GAB3: variants seen among roughly 807,000 people sequenced by gnomAD.
The protein encoded by GAB3 is GRB2 associated binding protein 3, also known as GRB2-associated-binding protein 3.
In GAB3, 12 loss-of-function variants were observed where a neutral mutation model predicts 40.4. The observed-to-expected ratio is 0.30, with a 90% CI of 0.19 to 0.48. GAB3 has a LOEUF of 0.48. Among genes scored for constraint, GAB3 ranks in the 20% least tolerant of loss-of-function variants. The pLI is 0.99. For missense variants in GAB3, 381 were observed against 461.9 expected (o/e 0.82, Z 1.61); for synonymous variants, 154 against 176.7 (o/e 0.87, Z 1.02).
chrX:154,731,415 A>G (rs1436701132), intron 1 of GAB3, among the ~76,000 whole-genome samples: 1 of 111,878 alleles, frequency 8.9e-6, no homozygotes, highest in Non-Finnish European at 1.9e-5. Flanking sequence ...TGTGAGACCA[A>G]TGTGGTTGAG....
chrX:154,710,277 C>CA (rs1557255357), intron 4 of GAB3, among the ~76,000 whole-genome samples: 1 of 111,876 alleles, frequency 8.9e-6, no homozygotes, highest in African/African-American at 3.3e-5. Context: ...TGCAATCCTC[C>CA]TCAAATCCCC....
In GAB3 at chrX:154,699,406, G is replaced by A; in HGVS notation, c.1233C>T (p.Ser411=). ...AGTTCATTGGAATGTAGTCATCAGG[G>A]CTGCAGTGGGGTCCAAGACCAGAGG... The part of the protein sequence containing the change: ...AGASGLGPHC[S]PDDYIPMNSG... Residue 411 remains serine, a synonymous_variant, in exon 6 of 10, where the codon AGC becomes AGT. Coordinates refer to ENST00000424127, the MANE Select transcript of GAB3 (RefSeq NM_001081573.3). 8.3e-7 allele frequency: 1 copy of A among 1,210,492 alleles called. No homozygotes were observed. Among genetic ancestry groups the A allele is most frequent in the Non-Finnish European group, 1.1e-6 (1 of 894,383 alleles).
chrX:154,699,987 C>T lies in GAB3; in HGVS notation c.1125+17G>A. ...TGGTAAAATTGATGCTTAAAAGAAC[C>T]TGAATGTTGAACTTACCAAATTCAA... On this transcript the variant is annotated intron_variant, in intron 5 of 9. Coordinates refer to ENST00000424127, the MANE Select transcript of GAB3 (RefSeq NM_001081573.3). The T allele has an allele frequency of 8.4e-7, 1 of 1,190,890 alleles. No homozygotes were observed. Among genetic ancestry groups the T allele is most frequent in the Non-Finnish European group, 1.1e-6 (1 of 878,788 alleles).
chrX:154,694,030 A>G (rs1192238675), intron 8 of GAB3, among the ~76,000 whole-genome samples: 2 of 111,129 alleles, frequency 1.8e-5, no homozygotes, highest in Non-Finnish European at 3.8e-5. Flanking sequence ...ACTTGCCCTT[A>G]AAGAGAAAAA....
intron 2 of GAB3, 36 bp downstream of exon 2, chrX:154,715,990 C>A (rs2071039493): frequency 8.6e-7 from 1 of 1,161,550 alleles, no homozygotes; most frequent in Admixed American, 2.3e-5. Context: ...TCCTGGGATA[C>A]CCCTTAGCAC....
intron 4 of GAB3, among the ~76,000 whole-genome samples, chrX:154,707,880 C>CA (rs1222316166): frequency 1.8e-5 from 2 of 111,325 alleles, no homozygotes; most frequent in Admixed American, 1.9e-4. Context: ...CATACAACAG[C>CA]AAAAAACAGT....
rs2071221214 is a variant in GAB3, at chrX:154,726,957, A to G, written c.73-10628T>C. ...TGTCTTTCACCTGAGTAATTGAAAT[A>G]GCCTCTTGTCTTCCCACATCCACTC... On this transcript the variant is annotated intron_variant, in intron 1 of 9. Coordinates refer to ENST00000424127, the MANE Select transcript of GAB3 (RefSeq NM_001081573.3). 2.7e-5 allele frequency among the ~76,000 whole-genome samples: 3 copies of G among 112,006 alleles called. No homozygotes were observed. The South Asian group carries it at 1.1e-3, about 41-fold the overall frequency.
intron 1 of GAB3, among the ~76,000 whole-genome samples, chrX:154,743,536 C>T (rs182288290): frequency 1.8e-5 from 2 of 111,660 alleles, no homozygotes; most frequent in East Asian, 2.8e-4. Context: ...GTGTATCATA[C>T]GTTTATAGCA....
chrX:154,713,742 CATATATATATATATAT>C (rs59885867), intron 2 of GAB3, among the ~76,000 whole-genome samples: 273 of 19,659 alleles, frequency 0.014, 9 homozygotes, highest in East Asian at 0.025. Flanking sequence ...AACTAACAAA[CATATATATATATATAT>C]ATATATATAT....
chrX:154,709,056 A>G (rs2070865468), intron 4 of GAB3, among the ~76,000 whole-genome samples: 1 of 110,767 alleles, frequency 9.0e-6, no homozygotes, highest in African/African-American at 3.3e-5. Flanking sequence ...GTGGTTTCTA[A>G]TGGTTCAGCA....
intron 4 of GAB3, among the ~76,000 whole-genome samples, chrX:154,711,111 G>T (rs782768971): frequency 8.9e-6 from 1 of 112,127 alleles, no homozygotes; most frequent in South Asian, 3.7e-4. Context: ...TTAATTCTCA[G>T]TCAGAATGAG....
intron 1 of GAB3, among the ~76,000 whole-genome samples, chrX:154,727,670 T>C (rs1313273967): frequency 8.9e-6 from 1 of 112,436 alleles, no homozygotes; most frequent in African/African-American, 3.2e-5. Context: ...CACATATTTA[T>C]GTGCTAGGAG....
intron 5 of GAB3, 146 bp from the exon 6 acceptor site, chrX:154,699,659 A>C: frequency 2.0e-6 from 1 of 500,710 alleles, no homozygotes; most frequent in Non-Finnish European, 3.3e-6. Flanking sequence ...ACAAGCCTCT[A>C]GCTCAAGTTC....
In GAB3 at chrX:154,713,200, A is replaced by G; in HGVS notation, c.596+7T>C. 1 of 1,199,900 alleles carries G rather than the reference A, an allele frequency of 8.3e-7. No individual in the cohort carries two copies. Among genetic ancestry groups the G allele is most frequent in the Non-Finnish European group, 1.1e-6 (1 of 884,971 alleles). ...CAGCTCAGACAGAGTCCTGGGCATA[A>G]GCATACCTGGTATGGTGCAGTCTTC... On this transcript the variant is annotated splice_region_variant and intron_variant, in intron 3 of 9. Transcript: ENST00000424127.
intron 1 of GAB3, 40 bp downstream of exon 1, chrX:154,750,914 G>T: frequency 1.3e-6 from 1 of 764,939 alleles, no homozygotes. Flanking sequence ...CGGGTGCCCC[G>T]GGACGCGAAG....
chrX:154,709,182 CCTTCCTCTTTGTCTT>C (rs2070872406), intron 4 of GAB3, among the ~76,000 whole-genome samples: 11 of 111,389 alleles, frequency 9.9e-5, no homozygotes, highest in African/African-American at 3.6e-4. Context: ...AGACATGCTT[CCTTCCTCTTTGTCTT>C]CTTCCATGAT....
rs374145424 is a variant in GAB3 at position 154,700,105 on chromosome X, A to G, written c.1070-46T>C. 4 of 1,052,616 alleles carry G rather than the reference A, an allele frequency of 3.8e-6. No homozygotes were observed. The African/African-American group carries it at 7.4e-5, about 20-fold the overall frequency. The allele number at this position is 1,052,616 out of a possible 1,213,427, so 86.7% of individuals were successfully genotyped here. ...TGGTGAGAAATGCAGAACAATATCA[A>G]CTGAAACTAGAGTCCAGAGAGGCAG... On this transcript the variant is annotated intron_variant, in intron 4 of 9. Transcript: ENST00000424127.
chrX:154,696,044 T>G, intron 7 of GAB3, 25 bp from the exon 8 acceptor site: 18 of 843,316 alleles, frequency 2.1e-5, no homozygotes, highest in Non-Finnish European at 3.0e-5. Flanking sequence ...ATAGATGAGG[T>G]CAAAGCAATG....
At position 154,675,974 on chromosome X, in the gene GAB3, C is replaced by G. The variant is rs1489165100; in HGVS notation, c.*2204G>C. The G allele has an allele frequency of 1.8e-5, 2 of 111,918 alleles. No homozygotes were observed. The highest frequency in any genetic ancestry group is 6.5e-5 in the African/African-American group (2 of 30,712). 9.2% of individuals were successfully genotyped at this position (111,918 alleles called of 1,213,427 possible). A position where few individuals can be genotyped will look rare whatever the true frequency, so the allele number is the denominator to read the frequency against. On this transcript the variant is annotated 3_prime_UTR_variant, in exon 10 of 10. Transcript: ENST00000424127. ...TACACTCTGGAAATGAGGGGTGAGT[C>G]ACCTTTTTCAAAATTAAATTTTTAA...
Sources: allele counts gnomAD v4.1 joint callset (sites outside exome capture counted in the v4.1 genomes callset), GRCh38; gene constraint gnomAD v4.1.1; transcripts MANE v1.5; gene names NCBI Gene and HGNC (gene_info 2026-07-23, HGNC 2026-07-21).